GRM7: variants seen among roughly 807,000 people sequenced by gnomAD.
The protein encoded by GRM7 is metabotropic glutamate receptor 7.
GRM7 carries 35 observed loss-of-function variants against 84.5 expected under a neutral mutation model. The ratio of observed to expected loss-of-function variants is 0.41; its 90% CI spans 0.32 to 0.55. The LOEUF (loss-of-function observed/expected upper bound fraction) is 0.55. GRM7 is among the 20% of genes least tolerant of loss of function. GRM7 has a pLI of 0.19. For synonymous variants in GRM7, 487 were observed against 455.1 expected, an observed-to-expected ratio of 1.07 and a Z score of -0.89; for missense variants, 1,003 against 1,194.6, an observed-to-expected ratio of 0.84 and a Z score of 2.36.
At chr3:7,552,675 T>C (rs1332463647) in intron 7 of GRM7, among the ~76,000 whole-genome samples, 1 of 152,158 alleles carries the variant, frequency 6.6e-6, no homozygotes, top group Admixed American at 6.5e-5. Context: ...GAAGCAGCAG[T>C]GTGAGTTGTA....
At position 7,403,831 on chromosome 3, in the gene GRM7, GGATA is replaced by G. The variant is rs537042589; in HGVS notation, c.1034-11167_1034-11164del. On this transcript the variant is annotated intron_variant, in intron 4 of 9. Transcript: ENST00000357716. ...TAAGAATATGTGTGTGTGGATGGAT[GGATA>G]GATAGATAGATAGATAGATAGATAT... Among the ~76,000 whole-genome samples, 175 of 150,848 alleles carry G rather than the reference GGATA, an allele frequency of 1.2e-3. 1 individual carries two copies. In the East Asian group the frequency reaches 0.015, roughly 13 times the overall value.
rs1281168040 is a variant in GRM7 at position 7,489,818 on chromosome 3, C to T, written c.1515+28096C>T. Among the ~76,000 whole-genome samples the T allele has an allele frequency of 2.6e-5, 4 of 151,786 alleles. No individual in the cohort carries two copies. The East Asian group carries it at 7.7e-4, about 29-fold the overall frequency. On this transcript the variant is annotated intron_variant, in intron 7 of 9. Transcript: ENST00000357716. ...TAAAGTTATAGCAAAGAATGCACAA[C>T]CTTCAGGACAAAATACAGGCAGCAG...
intron 1 of GRM7, among the ~76,000 whole-genome samples, chr3:7,101,838 T>A (rs1409461320): frequency 6.7e-6 from 1 of 148,902 alleles, no homozygotes; most frequent in Non-Finnish European, 1.5e-5. Context: ...TATATAAAGG[T>A]ATATGTATAT....
intron 1 of GRM7, among the ~76,000 whole-genome samples, chr3:7,110,487 C>T (rs1389800467): frequency 7.9e-5 from 12 of 151,692 alleles, no homozygotes; most frequent in African/African-American, 2.9e-4. Flanking sequence ...CCCAGCTACT[C>T]GGGAGGCTGA....
chr3:7,315,285 T>A (rs1196886910), intron 4 of GRM7, among the ~76,000 whole-genome samples: 1 of 152,236 alleles, frequency 6.6e-6, no homozygotes, highest in Non-Finnish European at 1.5e-5. Flanking sequence ...AGGTCTTTTC[T>A]GAGTGTACAC....
intron 1 of GRM7, among the ~76,000 whole-genome samples, chr3:7,016,254 G>A (rs1423105380): frequency 6.6e-6 from 1 of 152,120 alleles, no homozygotes; most frequent in Non-Finnish European, 1.5e-5. Context: ...GTCGGTCTAG[G>A]GCTCCTTGCT....
intron 4 of GRM7, among the ~76,000 whole-genome samples, chr3:7,384,441 T>C (rs1431504809): frequency 6.6e-6 from 1 of 152,214 alleles, no homozygotes; most frequent in African/African-American, 2.4e-5. Context: ...GTGCCAATGC[T>C]GTCCAATAGA....
At chr3:7,129,887 G>A (rs1468990995) in intron 1 of GRM7, among the ~76,000 whole-genome samples, 1 of 152,086 alleles carries the variant, frequency 6.6e-6, no homozygotes, top group African/African-American at 2.4e-5. Flanking sequence ...AATTGGTATT[G>A]CTTAATCATC....
intron 8 of GRM7, among the ~76,000 whole-genome samples, chr3:7,656,922 G>A (rs1699228547): frequency 2.0e-5 from 3 of 152,140 alleles, no homozygotes; most frequent in South Asian, 2.1e-4. Flanking sequence ...TCACATTGAC[G>A]ATTGCCACTT....
chr3:7,198,119 A>G (rs933377585), intron 2 of GRM7, among the ~76,000 whole-genome samples: 7 of 151,272 alleles, frequency 4.6e-5, no homozygotes, highest in Admixed American at 4.6e-4. Flanking sequence ...GCTTTTAAAG[A>G]AGATTAATGA....
At chr3:7,576,641 C>T (rs1694974650) in intron 7 of GRM7, among the ~76,000 whole-genome samples, 1 of 152,150 alleles carries the variant, frequency 6.6e-6, no homozygotes, top group Non-Finnish European at 1.5e-5. Flanking sequence ...CACTTAAAAA[C>T]ATGTCTCAGA....
chr3:7,727,591 G>T (rs1702171452), intron 9 of GRM7, among the ~76,000 whole-genome samples: 1 of 152,162 alleles, frequency 6.6e-6, no homozygotes, highest in East Asian at 1.9e-4. Context: ...GTCTGAGTGT[G>T]AGCTGGTCAG....
intron 9 of GRM7, among the ~76,000 whole-genome samples, chr3:7,736,455 C>A (rs1477562931): frequency 6.6e-6 from 1 of 151,972 alleles, no homozygotes; most frequent in Non-Finnish European, 1.5e-5. Flanking sequence ...ATATAGAAAG[C>A]TATATAGTTA....
At chr3:7,289,002 C>A (rs1699526953) in intron 2 of GRM7, among the ~76,000 whole-genome samples, 1 of 152,176 alleles carries the variant, frequency 6.6e-6, no homozygotes, top group Non-Finnish European at 1.5e-5. Flanking sequence ...TCCCCATATA[C>A]ATGCAGGTAA....
At chr3:7,553,312 A>C (rs971535945) in intron 7 of GRM7, among the ~76,000 whole-genome samples, 1 of 152,182 alleles carries the variant, frequency 6.6e-6, no homozygotes, top group Admixed American at 6.5e-5. Context: ...AAGCTATTCA[A>C]CAAGTCTCTA....
chr3:7,507,081 T>A (rs956915496), intron 7 of GRM7, among the ~76,000 whole-genome samples: 13 of 152,196 alleles, frequency 8.5e-5, no homozygotes, highest in Non-Finnish European at 1.5e-4. Flanking sequence ...TGACAGATTG[T>A]GGGCATTTAA....
At chr3:7,171,476 C>A (rs538131013) in intron 2 of GRM7, among the ~76,000 whole-genome samples, 2 of 152,248 alleles carry the variant, frequency 1.3e-5, no homozygotes, top group Non-Finnish European at 2.9e-5. Flanking sequence ...CATAATTCAA[C>A]TCACAGCTAT....
chr3:7,182,228 A>T (rs1284371091), intron 2 of GRM7, among the ~76,000 whole-genome samples: 1 of 152,184 alleles, frequency 6.6e-6, no homozygotes, highest in Non-Finnish European at 1.5e-5. Flanking sequence ...ATGCAAAAAA[A>T]ACTATTAAAA....
Position 7,532,803 on chromosome 3 carries a change from C to CAAAAA in GRM7, c.1516-45604_1516-45600dup, listed in dbSNP as rs36040168. Among the ~76,000 whole-genome samples the CAAAAA allele has an allele frequency of 2.8e-3, 194 of 70,506 alleles. 2 individuals are homozygous for CAAAAA. The highest frequency in any genetic ancestry group is 3.6e-3 in the African/African-American group (58 of 16,328). The allele number at this position is 70,506 out of a possible 152,430, so 46.3% of individuals were successfully genotyped here. ...GAATATTTACCAAGCAAAGGGAAAG[C>CAAAAA]AAAAAAAAAAAAAAAAAAAGCAGGG... On this transcript the variant is annotated intron_variant, in intron 7 of 9. Transcript: ENST00000357716.
Sources: allele counts gnomAD v4.1 joint callset (sites outside exome capture counted in the v4.1 genomes callset), GRCh38; gene constraint gnomAD v4.1.1; transcripts MANE v1.5; gene names NCBI Gene and HGNC (gene_info 2026-07-23, HGNC 2026-07-21).